The following GSDMC variants were observed in gnomAD, a reference collection of about 807,000 sequenced individuals.
GSDMC encodes the protein gasdermin-C.
In GSDMC, 59 loss-of-function variants were observed where a neutral mutation model predicts 58.0. That is an observed-to-expected ratio of 1.02 (90% CI 0.82 to 1.26). The LOEUF (loss-of-function observed/expected upper bound fraction) is 1.26, where lower values mean the gene tolerates loss of function less well. Ranked by LOEUF, GSDMC falls within the 50% of genes most tolerant of loss-of-function variation. The pLI is 0.00. For synonymous variants in GSDMC, 241 were observed against 220.2 expected, an observed-to-expected ratio of 1.09 and a Z score of -0.83; for missense variants, 659 against 598.5, an observed-to-expected ratio of 1.10 and a Z score of -1.06.
chr8:129,729,836 CA>C, the GSDMC span: 1 of 722,376 alleles, frequency 1.4e-6, no homozygotes, highest in Non-Finnish European at 2.4e-6. Context: ...GACAGAAAAG[CA>C]AGGCTGCATC....
At chr8:129,780,951 A>G (rs1469245756) in intron 1 of GSDMC, among the ~76,000 whole-genome samples, 1 of 152,154 alleles carries the variant, frequency 6.6e-6, no homozygotes, top group Non-Finnish European at 1.5e-5. Flanking sequence ...TGTTTATGCA[A>G]TCACTGTTGT....
At chr8:129,755,279 T>C (rs1278895745) in intron 6 of GSDMC, among the ~76,000 whole-genome samples, 1 of 152,094 alleles carries the variant, frequency 6.6e-6, no homozygotes, top group Admixed American at 6.5e-5. Context: ...GACTTTTCAC[T>C]GGAAACCTTA....
intron 13 of GSDMC, among the ~76,000 whole-genome samples, 200 bp downstream of exon 13, chr8:129,749,252 C>T (rs2033069874): frequency 6.6e-6 from 1 of 152,080 alleles, no homozygotes; most frequent in African/African-American, 2.4e-5. Flanking sequence ...GAAACTAAGA[C>T]CCTCCTGAGG....
At chr8:129,768,950 C>T (rs752112955) in intron 3 of GSDMC, among the ~76,000 whole-genome samples, 1 of 152,138 alleles carries the variant, frequency 6.6e-6, no homozygotes, top group Non-Finnish European at 1.5e-5. Context: ...TGGTGGCACA[C>T]ACCTGTAGTC....
At chr8:129,754,547 C>T (rs997375533) in intron 6 of GSDMC, among the ~76,000 whole-genome samples, 3 of 152,120 alleles carry the variant, frequency 2.0e-5, no homozygotes, top group Non-Finnish European at 4.4e-5. Context: ...TCAATGCCTA[C>T]ATACCAAAAA....
chr8:129,741,909 A>C, the GSDMC span, among the ~76,000 whole-genome samples: 2 of 85,468 alleles, frequency 2.3e-5, no homozygotes, highest in Non-Finnish European at 4.0e-5. Flanking sequence ...TGAATAAAGA[A>C]AATGTAATAT....
At chr8:129,740,061 TAAAG>T in the GSDMC span, among the ~76,000 whole-genome samples, 9 of 151,546 alleles carry the variant, frequency 5.9e-5, no homozygotes, top group Non-Finnish European at 1.0e-4. Context: ...AACTAAAAAA[TAAAG>T]AAAAAGAAAT....
chr8:129,728,799 G>A, the GSDMC span: 1 of 537,766 alleles, frequency 1.9e-6, no homozygotes, highest in Non-Finnish European at 3.5e-6. Context: ...TCCCACAGGG[G>A]CCGTTGGCCC....
At chr8:129,734,112 G>T in the GSDMC span, among the ~76,000 whole-genome samples, 1 of 152,068 alleles carries the variant, frequency 6.6e-6, no homozygotes, top group South Asian at 2.1e-4. Context: ...AAAGTGAGAA[G>T]AGAAGTTTAG....
chr8:129,748,440 A>G lies in GSDMC; in HGVS notation c.*61T>C. On this transcript the variant is annotated 3_prime_UTR_variant, in exon 14 of 14. Coordinates refer to ENST00000276708, the MANE Select transcript of GSDMC (RefSeq NM_031415.3). ...CCCTATCTCTTGCACCCATAAGGAC[A>G]CTCACAGCATAGACTGGGCGAGGGC... 6.6e-7 allele frequency: 1 copy of G among 1,514,008 alleles called. No homozygotes were observed. Among genetic ancestry groups the G allele is most frequent in the Non-Finnish European group, 8.9e-7 (1 of 1,129,656 alleles). The allele number at this position is 1,514,008 out of a possible 1,614,324, so 93.8% of individuals were successfully genotyped here.
At chr8:129,731,787 T>C in the GSDMC span, among the ~76,000 whole-genome samples, 1 of 152,144 alleles carries the variant, frequency 6.6e-6, no homozygotes, top group South Asian at 2.1e-4. Flanking sequence ...ACCTTATAAC[T>C]GGAAAGTCAG....
downstream of GSDMC, among the ~76,000 whole-genome samples, chr8:129,745,612 C>T (rs898743724): frequency 7.9e-5 from 12 of 151,298 alleles, no homozygotes; most frequent in Admixed American, 2.6e-4. Context: ...TCTTTTTTTC[C>T]ACTGAAATAT....
At chr8:129,754,243 G>C (rs1170811577) in intron 6 of GSDMC, among the ~76,000 whole-genome samples, 2 of 152,206 alleles carry the variant, frequency 1.3e-5, no homozygotes, top group Non-Finnish European at 2.9e-5. Context: ...AGAGCCAGTG[G>C]TGGTGGCCAC....
downstream of GSDMC, among the ~76,000 whole-genome samples, chr8:129,743,349 C>T (rs1367836197): frequency 6.6e-6 from 1 of 152,102 alleles, no homozygotes; most frequent in Non-Finnish European, 1.5e-5. Context: ...TCTGCATTAC[C>T]TATTCTACTA....
the GSDMC span, among the ~76,000 whole-genome samples, chr8:129,725,627 C>T: frequency 5.3e-5 from 8 of 152,210 alleles, no homozygotes; most frequent in African/African-American, 1.9e-4. Flanking sequence ...ATCAGGTACA[C>T]AGCAGGCCTC....
chr8:129,725,155 C>A, the GSDMC span, among the ~76,000 whole-genome samples: 1 of 152,198 alleles, frequency 6.6e-6, no homozygotes, highest in African/African-American at 2.4e-5. Flanking sequence ...TGCCCTCTCT[C>A]CATCAAGTAT....
At chr8:129,760,668 C>A (rs2033625292) in intron 5 of GSDMC, 79 bp from the exon 6 acceptor site, 1 of 810,172 alleles carries the variant, frequency 1.2e-6, no homozygotes, top group Non-Finnish European at 2.1e-6. Context: ...CTCCTTATAT[C>A]AAAACCACTG....
the GSDMC span, among the ~76,000 whole-genome samples, chr8:129,725,924 A>G: frequency 6.6e-6 from 1 of 152,250 alleles, no homozygotes; most frequent in African/African-American, 2.4e-5. Context: ...CCACCAAGAT[A>G]ATGAATCCCA....
Position 129,762,771 on chromosome 8 carries a change from T to C in GSDMC, c.571-40A>G, listed in dbSNP as rs760909888. On this transcript the variant is annotated intron_variant, in intron 4 of 13. Coordinates refer to ENST00000276708, the MANE Select transcript of GSDMC (RefSeq NM_031415.3). ...CAGACAATACAGTATTAAATGTATGTAATTTTAAAGGTCAGATGGCTCTAG... is the reference window on the plus strand; with the variant it reads ...CAGACAATACAGTATTAAATGTATGCAATTTTAAAGGTCAGATGGCTCTAG... 13 of 1,378,928 alleles carry C rather than the reference T, an allele frequency of 9.4e-6. No individual in the cohort carries two copies. In the East Asian group the frequency reaches 2.3e-4, roughly 24 times the overall value. 85.4% of individuals were successfully genotyped at this position (1,378,928 alleles called of 1,614,324 possible).
Sources: allele counts gnomAD v4.1 joint callset (sites outside exome capture counted in the v4.1 genomes callset), GRCh38; gene constraint gnomAD v4.1.1; transcripts MANE v1.5; gene names NCBI Gene and HGNC (gene_info 2026-07-23, HGNC 2026-07-21).